Variants in BRWD3 observed in about 807,000 individuals in gnomAD.
The protein encoded by BRWD3 is bromodomain and WD repeat domain containing 3.
In BRWD3, 10 loss-of-function variants were observed where a neutral mutation model predicts 149.7. The ratio of observed to expected loss-of-function variants is 0.07; its 90% CI spans 0.04 to 0.11. The LOEUF is 0.11. Ranked by LOEUF, BRWD3 falls within the 10% of genes least tolerant of loss-of-function variation. The probability of loss-of-function intolerance (pLI) is 1.00; values close to 1 mark genes in which losing one functional copy is unlikely to be tolerated. For missense variants in BRWD3, 940 were observed against 1,373.2 expected (o/e 0.68, Z 4.99); for synonymous variants, 504 against 456.7 (o/e 1.10, Z -1.32).
At chrX:80,724,881 T>C in intron 15 of BRWD3, 52 bp downstream of exon 15, 1 of 1,180,809 alleles carries the variant, frequency 8.5e-7, no homozygotes, top group Non-Finnish European at 1.2e-6. Context: ...CAAGTTATTA[T>C]ATGAGAGAAG....
At chrX:80,726,071 A>G (rs1170339336) in intron 14 of BRWD3, among the ~76,000 whole-genome samples, 13 of 616 alleles carry the variant, frequency 0.021, no homozygotes, top group African/African-American at 0.033. Flanking sequence ...CAACATGTTT[A>G]CATGTTGTCT....
rs1229156675 is a variant in BRWD3 at position 80,748,291 on chromosome X, G to C, written c.431-2562C>G. Among the ~76,000 whole-genome samples the C allele has an allele frequency of 3.6e-5, 4 of 112,472 alleles. No homozygotes were observed. In the East Asian group the frequency reaches 1.1e-3, roughly 31 times the overall value. ...GCCTCCCAAAGTGCTGGGATTACAG[G>C]CATGAGCCACTGCACCCAGCCTTTT... On this transcript the variant is annotated intron_variant, in intron 6 of 40. Coordinates refer to ENST00000373275, the MANE Select transcript of BRWD3 (RefSeq NM_153252.5).
intron 15 of BRWD3, 80 bp downstream of exon 15, chrX:80,724,853 A>G (rs1488786793): frequency 2.8e-6 from 3 of 1,053,713 alleles, no homozygotes; most frequent in Non-Finnish European, 4.0e-6. Context: ...CCTCTGCACT[A>G]GGTATACTTT....
At position 80,809,814 on chromosome X, in the gene BRWD3, TGGGGGGGCGGA is replaced by T. The variant is rs2074395172; in HGVS notation, c.-354_-344del. 4 of 19,008 alleles carry T rather than the reference TGGGGGGGCGGA, an allele frequency of 2.1e-4. No homozygotes were observed. Among genetic ancestry groups the T allele is most frequent in the African/African-American group, 2.1e-4 (1 of 4,737 alleles). The allele number at this position is 19,008 out of a possible 1,213,427, so 1.6% of individuals were successfully genotyped here. The stretch of plus-strand genomic sequence containing the variant: ...GAGAGAGAGAGAGAGACGCGGGGGG[TGGGGGGGCGGA>T]GAGAGAGAGAGAGAGAGAGATAGAC... On this transcript the variant is annotated 5_prime_UTR_variant, in exon 1 of 41. Coordinates refer to ENST00000373275, the MANE Select transcript of BRWD3 (RefSeq NM_153252.5).
chrX:80,680,605 G>A (rs866726373), intron 40 of BRWD3, among the ~76,000 whole-genome samples: 1 of 110,902 alleles, frequency 9.0e-6, no homozygotes, highest in African/African-American at 3.3e-5. Context: ...TGGTAGAAGC[G>A]GTTATTGACT....
chrX:80,749,052 T>G (rs2073630673), intron 6 of BRWD3, among the ~76,000 whole-genome samples: 1 of 112,060 alleles, frequency 8.9e-6, no homozygotes, highest in Non-Finnish European at 1.9e-5. Context: ...CCATTGTAAT[T>G]AGAAAAGATG....
chrX:80,688,248 A>C (rs2072560977), intron 33 of BRWD3, 123 bp from the exon 34 acceptor site: 2 of 563,705 alleles, frequency 3.5e-6, no homozygotes, highest in Non-Finnish European at 6.1e-6. Flanking sequence ...TGGAGCAGCA[A>C]GTAGAACAAA....
rs2072470575 is a variant in BRWD3 at position 80,682,720 on chromosome X, C to A, written c.4234-92G>T. 9 of 862,679 alleles carry A rather than the reference C, an allele frequency of 1.0e-5. No individual in the cohort carries two copies. In the South Asian group the frequency reaches 2.0e-4, roughly 19 times the overall value. 71.1% of individuals were successfully genotyped at this position (862,679 alleles called of 1,213,427 possible). On this transcript the variant is annotated intron_variant, in intron 37 of 40. Coordinates refer to ENST00000373275, the MANE Select transcript of BRWD3 (RefSeq NM_153252.5). The stretch of plus-strand genomic sequence containing the variant: ...AGACCAATATTAAGCATCATCATTA[C>A]AGACAAAATATCTGTTCACTTGAAA...
chrX:80,800,562 C>T (rs1310512327), intron 4 of BRWD3, among the ~76,000 whole-genome samples: 2 of 98,730 alleles, frequency 2.0e-5, no homozygotes, highest in Non-Finnish European at 4.1e-5. Flanking sequence ...AATACAAATA[C>T]AAATACTTGT....
chrX:80,682,468 G>A lies in BRWD3; in HGVS notation c.4394C>T (p.Pro1465Leu), dbSNP rs772874852. The stretch of plus-strand genomic sequence containing the variant: ...TGTTGCATCAATGTAATGATACCTA[G>A]GTGCTCCACTACTAGATAATGAACT... The part of the protein sequence containing the change: ...SSSSLSSSGA[P>L]SPKGKQKQMK... The change falls in exon 38 of 41, where the codon CCT becomes CTT. Residue 1465 changes from proline (P) to leucine (L), a missense_variant. This residue lies in a region of BRWD3 where 349 missense variants were observed against 419.6 expected (regional missense o/e 0.83). Coordinates refer to ENST00000373275, the MANE Select transcript of BRWD3 (RefSeq NM_153252.5). 4.1e-6 allele frequency: 5 copies of A among 1,209,611 alleles called. No homozygotes were observed. The South Asian group carries it at 8.8e-5, about 21-fold the overall frequency.
rs1165791676 is a variant in BRWD3, at chrX:80,672,471, AAAAG to A, written c.*4134_*4137del. 3 of 107,935 alleles carry A rather than the reference AAAAG, an allele frequency of 2.8e-5. No homozygotes were observed. Among genetic ancestry groups the A allele is most frequent in the African/African-American group, 3.4e-5 (1 of 29,557 alleles). 8.9% of individuals were successfully genotyped at this position (107,935 alleles called of 1,213,427 possible). A position where few individuals can be genotyped will look rare whatever the true frequency, so the allele number is the denominator to read the frequency against. On this transcript the variant is annotated 3_prime_UTR_variant, in exon 41 of 41. Coordinates refer to ENST00000373275, the MANE Select transcript of BRWD3 (RefSeq NM_153252.5). ...GAAGGAAGAAGGAAGGAGAAAAGAAAAAAGAAAGAAACCTGAGTGCTACCCATAT... is the reference window on the plus strand; with the variant it reads ...GAAGGAAGAAGGAAGGAGAAAAGAAAAAAGAAACCTGAGTGCTACCCATAT...
At chrX:80,710,117 A>G in intron 20 of BRWD3, 1 of 601,910 alleles carries the variant, frequency 1.7e-6, no homozygotes, top group Non-Finnish European at 2.9e-6. Flanking sequence ...CCATATTGAC[A>G]AACATATTGG....
intron 14 of BRWD3, among the ~76,000 whole-genome samples, chrX:80,726,229 GTTTACATGTTATATGTCTGTATA>G (rs762524485): frequency 0.038 from 3,724 of 98,344 alleles, 63 homozygotes; most frequent in South Asian, 0.076. Flanking sequence ...CATATAACAC[GTTTACATGTTATATGTCTGTATA>G]ACATATAACA....
chrX:80,789,102 C>CTAAT (rs961264097), intron 6 of BRWD3, among the ~76,000 whole-genome samples: 3 of 111,960 alleles, frequency 2.7e-5, no homozygotes. Context: ...AGTACCATGG[C>CTAAT]TAATACTCTA....
At chrX:80,742,321 GTA>G (rs1242358146) in intron 8 of BRWD3, among the ~76,000 whole-genome samples, 1 of 108,754 alleles carries the variant, frequency 9.2e-6, no homozygotes, top group African/African-American at 3.4e-5. Context: ...TAGCCTTGTA[GTA>G]TAGTTTGAAG....
chrX:80,787,851 G>A (rs1295227691), intron 6 of BRWD3, among the ~76,000 whole-genome samples: 10 of 110,875 alleles, frequency 9.0e-5, no homozygotes, highest in East Asian at 5.7e-4. Flanking sequence ...TTGGGAGGCC[G>A]AGGCAGGCGG....
At chrX:80,727,618 T>C (rs757706013) in intron 14 of BRWD3, among the ~76,000 whole-genome samples, 15 of 111,345 alleles carry the variant, frequency 1.3e-4, no homozygotes, top group Non-Finnish European at 2.3e-4. Context: ...AAATATCAGA[T>C]AGTGATAAAC....
intron 8 of BRWD3, among the ~76,000 whole-genome samples, chrX:80,740,625 G>A (rs757939997): frequency 4.5e-5 from 5 of 111,404 alleles, no homozygotes; most frequent in South Asian, 7.5e-4. Flanking sequence ...GGCGCATGCC[G>A]GTAGTACCAG....
At chrX:80,704,889 G>A (rs774818867) in intron 22 of BRWD3, 43 bp from the exon 23 acceptor site, 1 of 1,111,402 alleles carries the variant, frequency 9.0e-7, no homozygotes, top group African/African-American at 1.8e-5. Flanking sequence ...TATAGAAAAG[G>A]AGTAGTTTTA....
Sources: allele counts gnomAD v4.1 joint callset (sites outside exome capture counted in the v4.1 genomes callset), GRCh38; gene constraint gnomAD v4.1.1; regional missense constraint gnomAD v4.1.1; transcripts MANE v1.5; gene names NCBI Gene and HGNC (gene_info 2026-07-23, HGNC 2026-07-21).